STAT4: variants seen among roughly 807,000 people sequenced by gnomAD.
STAT4 encodes the protein signal transducer and activator of transcription 4.
A neutral mutation model predicts 110.5 loss-of-function variants in STAT4; 42 were observed. The observed-to-expected ratio is 0.38, with a 90% CI of 0.30 to 0.49. STAT4 has a LOEUF of 0.49. Among genes scored for constraint, STAT4 ranks in the 20% least tolerant of loss-of-function variants. STAT4 has a pLI of 0.95. For synonymous variants in STAT4, 284 were observed against 302.2 expected, an observed-to-expected ratio of 0.94 and a Z score of 0.63; for missense variants, 632 against 887.9, an observed-to-expected ratio of 0.71 and a Z score of 3.66.
intron 3 of STAT4, among the ~76,000 whole-genome samples, chr2:191,133,857 T>A (rs1323603838): frequency 6.7e-6 from 1 of 148,354 alleles, no homozygotes; most frequent in African/African-American, 2.6e-5. Flanking sequence ...GCTTTATTCA[T>A]AATAGCCAAA....
At chr2:191,109,308 G>T (rs1367882129) in intron 3 of STAT4, among the ~76,000 whole-genome samples, 1 of 147,072 alleles carries the variant, frequency 6.8e-6, no homozygotes, top group Non-Finnish European at 1.5e-5. Flanking sequence ...TTTGTTTTTT[G>T]TTTTTTTTTT....
rs1047320721 is a variant in STAT4 at position 191,138,786 on chromosome 2, C to T, written c.273+7827G>A. Among the ~76,000 whole-genome samples the T allele has an allele frequency of 6.6e-6, 1 of 152,054 alleles. No homozygotes were observed. Among genetic ancestry groups the T allele is most frequent in the African/African-American group, 2.4e-5 (1 of 41,408 alleles). On this transcript the variant is annotated intron_variant, in intron 3 of 23. Coordinates refer to ENST00000392320, the MANE Select transcript of STAT4 (RefSeq NM_003151.4). The surrounding 1 kb of genome is among the most constrained non-coding windows in gnomAD (Gnocchi z 4.3). ...GCCAGTATCACCCTAATACCAAAAC[C>T]AGGAAAGGGCATAACAAGAAAACTA...
chr2:191,036,072 TTTA>T (rs1215280575), intron 17 of STAT4, 89 bp downstream of exon 17: 2 of 1,413,288 alleles, frequency 1.4e-6, no homozygotes, highest in Non-Finnish European at 1.9e-6. Context: ...GATTATCATC[TTTA>T]TTATTAGTAG....
chr2:191,058,654 AT>A lies in STAT4; in HGVS notation c.1094+55del. ...TTATTCTATAAAATAAAGGCCATTC[AT>A]TTTTAAAAGTCTTACATTTGGAATT... On this transcript the variant is annotated intron_variant, in intron 11 of 23. Transcript: ENST00000392320. This position sits in a 1 kb window ranked among gnomAD's most constrained non-coding sequence, Gnocchi z 4.3. 9.3e-7 allele frequency: 1 copy of A among 1,080,830 alleles called. No individual in the cohort carries two copies. Among genetic ancestry groups the A allele is most frequent in the South Asian group, 1.5e-5 (1 of 68,678 alleles). 67.0% of individuals were successfully genotyped at this position (1,080,830 alleles called of 1,614,324 possible).
intron 14 of STAT4, among the ~76,000 whole-genome samples, chr2:191,044,902 A>G (rs1177317514): frequency 1.3e-5 from 2 of 152,254 alleles, no homozygotes; most frequent in Non-Finnish European, 2.9e-5. Context: ...TTAAATCCAG[A>G]GAAAACTAAA....
Position 191,050,143 on chromosome 2 carries a change from T to G in STAT4, c.1251+4347A>C, listed in dbSNP as rs1319632755. On this transcript the variant is annotated intron_variant, in intron 14 of 23. Transcript: ENST00000392320. This position sits in a 1 kb window ranked among gnomAD's most constrained non-coding sequence, Gnocchi z 4.3. Reference sequence around the variant, plus strand: ...GTGGCTAAAACTGTCATTTATCAGTTAAAGCCCACTGACAAAGAGCAAACT... The same window carrying G: ...GTGGCTAAAACTGTCATTTATCAGTGAAAGCCCACTGACAAAGAGCAAACT... 6.6e-6 allele frequency among the ~76,000 whole-genome samples: 1 copy of G among 152,196 alleles called. No homozygotes were observed. Among genetic ancestry groups the G allele is most frequent in the Non-Finnish European group, 1.5e-5 (1 of 68,024 alleles).
At chr2:191,065,603 GAT>G (rs1465110508) in intron 7 of STAT4, among the ~76,000 whole-genome samples, 1 of 152,126 alleles carries the variant, frequency 6.6e-6, no homozygotes, top group Non-Finnish European at 1.5e-5. Flanking sequence ...AGTAGAATAA[GAT>G]GTCATGCATA....
intron 3 of STAT4, among the ~76,000 whole-genome samples, chr2:191,137,443 A>G (rs1239779495): frequency 6.6e-6 from 1 of 152,234 alleles, no homozygotes; most frequent in Non-Finnish European, 1.5e-5. Context: ...AAAGCAATCT[A>G]CAGAATCAAA....
At chr2:191,048,514 G>A (rs769693394) in intron 14 of STAT4, among the ~76,000 whole-genome samples, 1 of 151,598 alleles carries the variant, frequency 6.6e-6, no homozygotes, top group Non-Finnish European at 1.5e-5. Context: ...AGTGGCTCAC[G>A]CCTGTAATCC....
At chr2:191,115,054 A>G (rs1698536448) in intron 3 of STAT4, among the ~76,000 whole-genome samples, 1 of 152,170 alleles carries the variant, frequency 6.6e-6, no homozygotes, top group South Asian at 2.1e-4. Context: ...ACAAGTATGA[A>G]AGTGTGTTAC....
At chr2:191,056,952 T>C (rs1696714250) in intron 13 of STAT4, among the ~76,000 whole-genome samples, 1 of 152,008 alleles carries the variant, frequency 6.6e-6, no homozygotes, top group South Asian at 2.1e-4. Context: ...CGGGCTACTA[T>C]TTGTATTTTT....
chr2:191,057,894 G>A lies in STAT4; in HGVS notation c.1206+124C>T, dbSNP rs111605806. 165 of 892,992 alleles carry A rather than the reference G, an allele frequency of 1.8e-4. No homozygotes were observed. The African/African-American group carries it at 2.0e-3, about 11-fold the overall frequency. The allele number at this position is 892,992 out of a possible 1,614,324, so 55.3% of individuals were successfully genotyped here. A position where few individuals can be genotyped will look rare whatever the true frequency, so the allele number is the denominator to read the frequency against. On this transcript the variant is annotated intron_variant, in intron 13 of 23. Coordinates refer to ENST00000392320, the MANE Select transcript of STAT4 (RefSeq NM_003151.4). ...ATTACAGACATGAGCCACCGTGCCCGGCCGGTTCCTAATTTCAAATAAGAA... is the reference window on the plus strand; with the variant it reads ...ATTACAGACATGAGCCACCGTGCCCAGCCGGTTCCTAATTTCAAATAAGAA...
At chr2:191,122,209 T>G (rs535660850) in intron 3 of STAT4, among the ~76,000 whole-genome samples, 12 of 147,592 alleles carry the variant, frequency 8.1e-5, no homozygotes, top group Middle Eastern at 3.6e-3. Flanking sequence ...TTTAAAAAAA[T>G]AAAGAGGATA....
At chr2:191,040,216 A>T (rs891775247) in intron 15 of STAT4, among the ~76,000 whole-genome samples, 3 of 152,148 alleles carry the variant, frequency 2.0e-5, no homozygotes, top group African/African-American at 7.2e-5. Context: ...TTTAATTCCA[A>T]AAGTTTCTTT....
At position 191,091,257 on chromosome 2, in the gene STAT4, T is replaced by G. The variant is rs1306989847; in HGVS notation, c.274-14932A>C. ...TCTAGAATGAATACACAAGATGACA[T>G]GATTTTCTCTACATTGGCAATAACC... On this transcript the variant is annotated intron_variant, in intron 3 of 23. Transcript: ENST00000392320. The surrounding 1 kb of genome is among the most constrained non-coding windows in gnomAD (Gnocchi z 5.4). Among the ~76,000 whole-genome samples the G allele has an allele frequency of 6.6e-6, 1 of 152,108 alleles. No homozygotes were observed. The highest frequency in any genetic ancestry group is 6.5e-5 in the Admixed American group (1 of 15,274).
At chr2:191,068,369 T>C (rs758288029) in intron 6 of STAT4, 12 of 152,188 alleles carry the variant, frequency 7.9e-5, no homozygotes, top group South Asian at 2.1e-4. Context: ...CCTTTGATAA[T>C]GAAACCCATG....
chr2:191,131,910 A>C, intron 3 of STAT4: 1 of 1,400,980 alleles, frequency 7.1e-7, no homozygotes, highest in Non-Finnish European at 9.3e-7. Flanking sequence ...ACTAAAGCAA[A>C]TTAGAGGTCT....
chr2:191,122,524 G>C (rs1698766647), intron 3 of STAT4, among the ~76,000 whole-genome samples: 1 of 152,110 alleles, frequency 6.6e-6, no homozygotes, highest in Non-Finnish European at 1.5e-5. Context: ...AGAAATGAGT[G>C]CTTATGCCTA....
At chr2:191,049,867 T>G (rs1001501718) in intron 14 of STAT4, among the ~76,000 whole-genome samples, 4 of 152,232 alleles carry the variant, frequency 2.6e-5, no homozygotes, top group Admixed American at 6.5e-5. Flanking sequence ...GTAATATTTT[T>G]GTACAATTTC....
Sources: gnomAD v4.1 joint callset for allele counts (sites outside exome capture counted in the v4.1 genomes callset) on GRCh38, gnomAD v4.1.1 for gene constraint, Gnocchi (gnomAD v3.1) non-coding constraint, MANE v1.5 for transcripts, NCBI Gene and HGNC (gene_info 2026-07-23, HGNC 2026-07-21) for gene names.